VEZT: variants seen among roughly 807,000 people sequenced by gnomAD.
The protein encoded by VEZT is vezatin, adherens junctions transmembrane protein.
Under a neutral mutation model 79.9 loss-of-function variants are expected in VEZT, and 39 were observed. The observed-to-expected ratio is 0.49, with a 90% confidence interval of 0.38 to 0.64. The LOEUF is 0.64. Among genes scored for constraint, VEZT ranks in the 30% least tolerant of loss-of-function variants. The pLI is 0.00. For missense variants in VEZT, 837 were observed against 893.1 expected (o/e 0.94, Z 0.80); for synonymous variants, 325 against 327.6 (o/e 0.99, Z 0.09).
At chr12:95,236,982 CT>C (rs1308600310) in intron 1 of VEZT, among the ~76,000 whole-genome samples, 1 of 152,128 alleles carries the variant, frequency 6.6e-6, no homozygotes, top group African/African-American at 2.4e-5. Flanking sequence ...TAATGCTAGC[CT>C]ATTTTGAGTT....
intron 4 of VEZT, among the ~76,000 whole-genome samples, chr12:95,264,445 T>C (rs1377867924): frequency 6.6e-6 from 1 of 152,134 alleles, no homozygotes; most frequent in Non-Finnish European, 1.5e-5. Context: ...TATTTATTTA[T>C]TTACTTATTT....
At chr12:95,272,758 G>T (rs539189008) in intron 6 of VEZT, among the ~76,000 whole-genome samples, 1 of 152,276 alleles carries the variant, frequency 6.6e-6, no homozygotes, top group South Asian at 2.1e-4. Flanking sequence ...GGGGAAAATG[G>T]TTCTTTTTGT....
At chr12:95,294,190 A>G in intron 9 of VEZT, 82 bp from the exon 10 acceptor site, 2 of 1,190,496 alleles carry the variant, frequency 1.7e-6, no homozygotes, top group Non-Finnish European at 2.4e-6. Context: ...CCTGGCCCCA[A>G]GGGTGTTTTT....
chr12:95,227,678 T>C lies in VEZT; in HGVS notation c.36+9792T>C, dbSNP rs909640064. Among the ~76,000 whole-genome samples, 6 of 152,138 alleles carry C rather than the reference T, an allele frequency of 3.9e-5. No homozygotes were observed. In the East Asian group the frequency reaches 1.2e-3, roughly 29 times the overall value. ...TTTTTGCAGAGAGTGGGTTTTGACA[T>C]GTTGCCCAGGTTCAAGTGATTGTTC... is the stretch of plus-strand genomic sequence containing the variant. On this transcript the variant is annotated intron_variant, in intron 1 of 11. Transcript: ENST00000436874.
At chr12:95,251,001 G>A (rs2062505800) in intron 1 of VEZT, among the ~76,000 whole-genome samples, 2 of 152,010 alleles carry the variant, frequency 1.3e-5, no homozygotes, top group South Asian at 4.2e-4. Flanking sequence ...ATTTGAATCT[G>A]TAGATTGGTT....
chr12:95,231,715 T>C (rs997094321), intron 1 of VEZT, among the ~76,000 whole-genome samples: 2 of 152,208 alleles, frequency 1.3e-5, no homozygotes, highest in African/African-American at 4.8e-5. Flanking sequence ...GAAAAGCATT[T>C]CCTATTATTT....
chr12:95,243,912 G>A (rs1375901756), intron 1 of VEZT: 4 of 455,440 alleles, frequency 8.8e-6, no homozygotes, highest in Admixed American at 4.7e-5. Context: ...ACCCACTCCC[G>A]CTTTGACCTT....
At chr12:95,239,215 G>A (rs2060572288) in intron 1 of VEZT, among the ~76,000 whole-genome samples, 1 of 152,116 alleles carries the variant, frequency 6.6e-6, no homozygotes, top group Admixed American at 6.5e-5. Flanking sequence ...AAGTAGCAAG[G>A]CAGTAAAAAA....
intron 1 of VEZT, among the ~76,000 whole-genome samples, chr12:95,229,111 CT>C (rs546046585): frequency 6.6e-6 from 1 of 151,980 alleles, no homozygotes; most frequent in Non-Finnish European, 1.5e-5. Flanking sequence ...AACAAGTCTG[CT>C]TTTTTTTCTG....
At chr12:95,262,823 T>C (rs2064791427) in intron 3 of VEZT, 83 bp from the exon 4 acceptor site, 1 of 1,266,658 alleles carries the variant, frequency 7.9e-7, no homozygotes, top group South Asian at 2.5e-5. Context: ...CACCACCAAA[T>C]TTTATTAGTA....
At chr12:95,266,836 A>G (rs1013665343) in intron 5 of VEZT, among the ~76,000 whole-genome samples, 1 of 152,198 alleles carries the variant, frequency 6.6e-6, no homozygotes, top group African/African-American at 2.4e-5. Context: ...GATTCTGCCT[A>G]TCTGCTTTGA....
intron 6 of VEZT, among the ~76,000 whole-genome samples, chr12:95,271,192 A>G (rs1270492636): frequency 6.6e-6 from 1 of 152,086 alleles, no homozygotes; most frequent in South Asian, 2.1e-4. Context: ...CTCTCTTTCT[A>G]TATATATATG....
chr12:95,217,849 G>A lies in VEZT; in HGVS notation c.-2G>A. ...CTGAGGCGGGTGGCATGGCGGAGAAGGATGACACCGGAGTTTGACGAAGAG... is the reference window on the plus strand; with the variant it reads ...CTGAGGCGGGTGGCATGGCGGAGAAAGATGACACCGGAGTTTGACGAAGAG... On this transcript the variant is annotated 5_prime_UTR_variant, in exon 1 of 12. Coordinates refer to ENST00000436874, the MANE Select transcript of VEZT (RefSeq NM_017599.4). 3 of 1,538,828 alleles carry A rather than the reference G, an allele frequency of 1.9e-6. No homozygotes were observed. The highest frequency in any genetic ancestry group is 2.6e-6 in the Non-Finnish European group (3 of 1,148,252).
chr12:95,299,500 G>A (rs1424783637), intron 11 of VEZT: 1 of 152,056 alleles, frequency 6.6e-6, no homozygotes, highest in African/African-American at 2.4e-5. Context: ...TATTTTTCGT[G>A]GTACTACAAA....
chr12:95,296,368 A>G (rs1293456626), intron 11 of VEZT, 110 bp downstream of exon 11: 2 of 983,756 alleles, frequency 2.0e-6, no homozygotes, highest in East Asian at 2.6e-5. Context: ...ATAAGGGTCC[A>G]CCAGTATGCA....
chr12:95,247,603 C>G (rs12299283), intron 1 of VEZT, among the ~76,000 whole-genome samples: 16,349 of 151,910 alleles, frequency 0.11, 1,199 homozygotes, highest in Non-Finnish European at 0.16. Flanking sequence ...TGTCATTAGA[C>G]GTCCATGTAA....
chr12:95,294,464 A>T, intron 10 of VEZT, 92 bp downstream of exon 10: 1 of 1,076,626 alleles, frequency 9.3e-7, no homozygotes, highest in Non-Finnish European at 1.4e-6. Flanking sequence ...TTTATATCAG[A>T]TCATTAGTTC....
At chr12:95,256,554 T>TG in intron 2 of VEZT, 2 of 1,287,218 alleles carry the variant, frequency 1.6e-6, no homozygotes, top group Non-Finnish European at 2.0e-6. Context: ...TTGCAGTACC[T>TG]GGGATATAGT....
chr12:95,218,075 G>A, intron 1 of VEZT, 189 bp downstream of exon 1: 1 of 430,032 alleles, frequency 2.3e-6, no homozygotes, highest in Non-Finnish European at 4.0e-6. Flanking sequence ...GAGGCGCCCT[G>A]GCCGTGGCCG....
Sources: gnomAD v4.1 joint callset for allele counts (sites outside exome capture counted in the v4.1 genomes callset) on GRCh38, gnomAD v4.1.1 for gene constraint, MANE v1.5 for transcripts, NCBI Gene and HGNC (gene_info 2026-07-23, HGNC 2026-07-21) for gene names.